Variants in APBA1 observed in about 807,000 individuals in gnomAD.
APBA1 encodes amyloid-beta A4 precursor protein-binding family A member 1.
In APBA1, 55 loss-of-function variants were observed where a neutral mutation model predicts 86.6. The observed-to-expected ratio is 0.64, with a 90% CI of 0.51 to 0.80. APBA1 has a LOEUF of 0.80. Ranked by LOEUF, APBA1 falls within the 30% of genes least tolerant of loss-of-function variation. The pLI is 0.00. For missense variants in APBA1, 1,090 were observed against 1,183.0 expected (o/e 0.92, Z 1.15); for synonymous variants, 511 against 493.9 (o/e 1.03, Z -0.46).
In APBA1 at chr9:69,457,170, T is replaced by C. The variant is rs557877284; in HGVS notation, c.1516-31A>G. ...AAGAAAAAATGCACCAAGAGAAAGT[T>C]TGACCACACTACCCTGACCCAGATG... On this transcript the variant is annotated intron_variant, in intron 6 of 12. Transcript: ENST00000265381. The C allele has an allele frequency of 2.4e-5, 37 of 1,552,566 alleles. 1 individual carries two copies. In the Admixed American group the frequency reaches 4.7e-4, roughly 20 times the overall value.
intron 1 of APBA1, among the ~76,000 whole-genome samples, chr9:69,671,723 A>G (rs559882673): frequency 4.6e-5 from 7 of 152,112 alleles, no homozygotes; most frequent in Non-Finnish European, 1.0e-4. Flanking sequence ...CGTTTCCATC[A>G]TCACATTCTT....
intron 1 of APBA1, among the ~76,000 whole-genome samples, chr9:69,600,806 T>TAATA (rs60164245): frequency 0.02 from 2,862 of 143,712 alleles, 37 homozygotes; most frequent in South Asian, 0.027. Flanking sequence ...CAAAAAATAA[T>TAATA]AATAAATAAA....
At chr9:69,497,857 C>A (rs1053695117) in intron 2 of APBA1, among the ~76,000 whole-genome samples, 9 of 152,108 alleles carry the variant, frequency 5.9e-5, no homozygotes, top group Non-Finnish European at 1.2e-4. Context: ...CTCAGCCAGA[C>A]AACAAAACAA....
At chr9:69,505,195 C>T (rs74433119) in intron 2 of APBA1, among the ~76,000 whole-genome samples, 6,299 of 152,132 alleles carry the variant, frequency 0.041, 477 homozygotes, top group African/African-American at 0.14. Context: ...GGAAGCCCTA[C>T]CCATTGTGGT....
chr9:69,575,474 A>C (rs865942259), intron 1 of APBA1, among the ~76,000 whole-genome samples: 33 of 152,310 alleles, frequency 2.2e-4, no homozygotes, highest in Admixed American at 4.6e-4. Context: ...AGGCTACAGT[A>C]ACCAAAACAG....
At chr9:69,444,517 T>C (rs551150931) in intron 10 of APBA1, among the ~76,000 whole-genome samples, 24 of 152,290 alleles carry the variant, frequency 1.6e-4, no homozygotes, top group African/African-American at 5.5e-4. Flanking sequence ...CCACCTCAAT[T>C]TCCTCATCTT....
chr9:69,476,044 C>A lies in APBA1; in HGVS notation c.1296+4G>T. On this transcript the variant is annotated splice_donor_region_variant and intron_variant, in intron 3 of 12. Transcript: ENST00000265381. Reference sequence around the variant, plus strand: ...ATGGCTTTGGTAACAAAACAGCACCCTACCTCTTTATTAGTGGACGCTTCC... The same window carrying A: ...ATGGCTTTGGTAACAAAACAGCACCATACCTCTTTATTAGTGGACGCTTCC... The A allele has an allele frequency of 6.2e-7, 1 of 1,613,150 alleles. No homozygotes were observed. Among genetic ancestry groups the A allele is most frequent in the East Asian group, 2.2e-5 (1 of 44,882 alleles).
chr9:69,555,441 T>C (rs575655921), intron 1 of APBA1, among the ~76,000 whole-genome samples: 1 of 152,300 alleles, frequency 6.6e-6, no homozygotes. Context: ...TATCCATAAA[T>C]ATAAATTTAA....
In APBA1 at chr9:69,428,500, A is replaced by AG; in HGVS notation, c.*2826dup. The AG allele has an allele frequency of 6.6e-6, 1 of 152,320 alleles. No homozygotes were observed. Among genetic ancestry groups the AG allele is most frequent in the Middle Eastern group, 3.4e-3 (1 of 296 alleles). 9.4% of individuals were successfully genotyped at this position (152,320 alleles called of 1,614,324 possible). On this transcript the variant is annotated 3_prime_UTR_variant, in exon 13 of 13. Coordinates refer to ENST00000265381, the MANE Select transcript of APBA1 (RefSeq NM_001163.4). ...TTCTGGTGCCTCTGCCTGGACCAGG[A>AG]GGGGGAGGTGAACGTGGGAGTCCAA...
At chr9:69,604,862 G>C (rs1822439996) in intron 1 of APBA1, among the ~76,000 whole-genome samples, 1 of 150,426 alleles carries the variant, frequency 6.6e-6, no homozygotes, top group East Asian at 2.0e-4. Context: ...AGGCATATGA[G>C]CATGGGCACA....
At chr9:69,530,895 C>T (rs895512964) in intron 1 of APBA1, among the ~76,000 whole-genome samples, 8 of 152,050 alleles carry the variant, frequency 5.3e-5, no homozygotes, top group African/African-American at 1.4e-4. Flanking sequence ...CCTACATAGT[C>T]GTGAGTCTTA....
chr9:69,563,890 A>T (rs1434157817), intron 1 of APBA1, among the ~76,000 whole-genome samples: 1 of 152,142 alleles, frequency 6.6e-6, no homozygotes, highest in African/African-American at 2.4e-5. Flanking sequence ...CAAGAAATAC[A>T]AGCTACCCAC....
At chr9:69,576,905 AAT>A (rs536308845) in intron 1 of APBA1, among the ~76,000 whole-genome samples, 1 of 152,240 alleles carries the variant, frequency 6.6e-6, no homozygotes, top group East Asian at 1.9e-4. Context: ...TAAAATATAA[AAT>A]ATTGTTTAAT....
intron 1 of APBA1, among the ~76,000 whole-genome samples, chr9:69,613,223 G>A (rs1273502937): frequency 1.3e-5 from 2 of 152,046 alleles, no homozygotes; most frequent in African/African-American, 4.8e-5. Flanking sequence ...GAACAACAAA[G>A]TTTTCCTGAA....
chr9:69,466,123 T>C (rs1462998215), intron 5 of APBA1, among the ~76,000 whole-genome samples: 4 of 152,094 alleles, frequency 2.6e-5, no homozygotes, highest in Non-Finnish European at 5.9e-5. Context: ...AGCTCTGAGC[T>C]TGGGGGAGAA....
At chr9:69,653,373 C>T (rs1045087450) in intron 1 of APBA1, among the ~76,000 whole-genome samples, 4 of 152,130 alleles carry the variant, frequency 2.6e-5, no homozygotes, top group Non-Finnish European at 5.9e-5. Context: ...AAGAGTTCAA[C>T]ACCCCCACTT....
intron 2 of APBA1, among the ~76,000 whole-genome samples, chr9:69,506,308 G>A (rs1175841010): frequency 1.7e-4 from 26 of 149,616 alleles, no homozygotes; most frequent in Non-Finnish European, 5.9e-5. Flanking sequence ...AGGGGTGACG[G>A]ACACACCTGG....
chr9:69,621,279 T>C (rs879730569), intron 1 of APBA1, among the ~76,000 whole-genome samples: 3 of 152,168 alleles, frequency 2.0e-5, no homozygotes, highest in Admixed American at 6.5e-5. Flanking sequence ...TCATGTAAGA[T>C]TACGTGAATT....
chr9:69,494,090 T>G (rs1835757060), intron 2 of APBA1, among the ~76,000 whole-genome samples: 1 of 152,128 alleles, frequency 6.6e-6, no homozygotes, highest in African/African-American at 2.4e-5. Flanking sequence ...CACATTTGTA[T>G]TTCTTTAATG....
Sources: gnomAD v4.1 joint callset for allele counts (sites outside exome capture counted in the v4.1 genomes callset) on GRCh38, gnomAD v4.1.1 for gene constraint, MANE v1.5 for transcripts, NCBI Gene and HGNC (gene_info 2026-07-23, HGNC 2026-07-21) for gene names.